The following ARID2 variants were observed in gnomAD, a reference collection of about 807,000 sequenced individuals.
ARID2 encodes the protein AT-rich interactive domain-containing protein 2.
ARID2 carries 32 observed loss-of-function variants against 184.6 expected under a neutral mutation model. That is an observed-to-expected ratio of 0.17 (90% confidence interval 0.13 to 0.23). ARID2 has a LOEUF of 0.23. Among genes scored for constraint, ARID2 ranks in the 10% least tolerant of loss-of-function variants. ARID2 has a pLI of 1.00. For synonymous variants in ARID2, 836 were observed against 772.6 expected (o/e 1.08, Z -1.36); for missense variants, 1,696 against 2,197.6 (o/e 0.77, Z 4.56).
rs1324904594 is a variant in ARID2, at chr12:45,907,467, A to G, written c.*2389A>G. 1 of 233,244 alleles carries G rather than the reference A, an allele frequency of 4.3e-6. No homozygotes were observed. The highest frequency in any genetic ancestry group is 8.5e-6 in the Non-Finnish European group (1 of 117,878). 14.4% of individuals were successfully genotyped at this position (233,244 alleles called of 1,614,324 possible). A position where few individuals can be genotyped will look rare whatever the true frequency, so the allele number is the denominator to read the frequency against. ...AGCTTTTCTGCTATAATATGTAAATATGACTGTAGCCTTTTAAGCTTCAGT... is the reference window on the plus strand; with the variant it reads ...AGCTTTTCTGCTATAATATGTAAATGTGACTGTAGCCTTTTAAGCTTCAGT... On this transcript the variant is annotated 3_prime_UTR_variant, in exon 21 of 21. Coordinates refer to ENST00000334344, the MANE Select transcript of ARID2 (RefSeq NM_152641.4).
chr12:45,820,342 C>T (rs1942877152), intron 5 of ARID2, among the ~76,000 whole-genome samples: 1 of 151,992 alleles, frequency 6.6e-6, no homozygotes, highest in African/African-American at 2.4e-5. Context: ...AATTCTTATT[C>T]TAGCCAGAGT....
chr12:45,831,732 A>T (rs2138116382), intron 6 of ARID2, among the ~76,000 whole-genome samples: 1 of 152,230 alleles, frequency 6.6e-6, no homozygotes, highest in South Asian at 2.1e-4. Flanking sequence ...CAATTTCCTG[A>T]GATGTGAATG....
At chr12:45,860,317 T>C (rs1394474591) in intron 15 of ARID2, among the ~76,000 whole-genome samples, 15 of 152,240 alleles carry the variant, frequency 9.9e-5, no homozygotes, top group Non-Finnish European at 5.9e-5. Flanking sequence ...TTTATACATA[T>C]GGTTACATCA....
chr12:45,793,936 G>A (rs1000325336), intron 3 of ARID2, among the ~76,000 whole-genome samples: 1 of 151,126 alleles, frequency 6.6e-6, no homozygotes, highest in Non-Finnish European at 1.5e-5. Flanking sequence ...AATTGTTTTT[G>A]TCTTTGGTTT....
chr12:45,875,668 C>A (rs1260034564), intron 16 of ARID2, among the ~76,000 whole-genome samples: 1 of 152,242 alleles, frequency 6.6e-6, no homozygotes, highest in Admixed American at 6.5e-5. Flanking sequence ...TTCTGGATAA[C>A]GTGCTGCAGC....
rs779616407 is a variant in ARID2, at chr12:45,851,185, C to G, written c.3062C>G (p.Pro1021Arg). Residue 1021 changes from proline to arginine, a missense_variant, in exon 15 of 21, where the codon CCC becomes CGC. This residue lies in a region of ARID2 where 713 missense variants were observed against 824.4 expected (regional missense o/e 0.86). Transcript: ENST00000334344. Reference sequence around the variant, plus strand: ...CAACAGCAGCAACATTCACCAGCACCCCCACCACAGCAGGTACAAGTACAA... The same window carrying G: ...CAACAGCAGCAACATTCACCAGCACGCCCACCACAGCAGGTACAAGTACAA... ...RQQQQQHSPA[P>R]PPQQVQVQVQ... 6.2e-7 allele frequency: 1 copy of G among 1,614,100 alleles called. No individual in the cohort carries two copies. Among genetic ancestry groups the G allele is most frequent in the South Asian group, 1.1e-5 (1 of 91,076 alleles).
chr12:45,737,300 A>G (rs1941148284), intron 3 of ARID2, among the ~76,000 whole-genome samples: 1 of 152,024 alleles, frequency 6.6e-6, no homozygotes, highest in Non-Finnish European at 1.5e-5. Flanking sequence ...TTTTTGGTGG[A>G]GCCCCAGGGA....
intron 6 of ARID2, among the ~76,000 whole-genome samples, chr12:45,833,496 CTTTGTAGGTGTGGTAAT>C (rs1287627634): frequency 6.6e-6 from 1 of 151,938 alleles, no homozygotes; most frequent in African/African-American, 2.4e-5. Flanking sequence ...GTCCTCATTT[CTTTGTAGGTGTGGTAAT>C]TTTTTATTAG....
At chr12:45,801,311 CAAAAA>C (rs1487897230) in intron 3 of ARID2, among the ~76,000 whole-genome samples, 2 of 114,054 alleles carry the variant, frequency 1.8e-5, no homozygotes, top group Non-Finnish European at 3.5e-5. Context: ...GACTCCGTCT[CAAAAA>C]AAGAAAAAAA....
intron 20 of ARID2, among the ~76,000 whole-genome samples, chr12:45,902,700 C>T (rs1361096755): frequency 2.6e-5 from 4 of 151,738 alleles, no homozygotes; most frequent in Admixed American, 1.3e-4. Context: ...CCTGCCACCA[C>T]GCCCAGCTAA....
intron 16 of ARID2, among the ~76,000 whole-genome samples, chr12:45,866,178 C>A (rs1268501779): frequency 1.3e-5 from 2 of 151,930 alleles, no homozygotes; most frequent in African/African-American, 2.4e-5. Flanking sequence ...CTTTTTATGT[C>A]AATACATAGA....
At chr12:45,741,918 A>G (rs1323204534) in intron 3 of ARID2, among the ~76,000 whole-genome samples, 1 of 152,214 alleles carries the variant, frequency 6.6e-6, no homozygotes, top group Non-Finnish European at 1.5e-5. Flanking sequence ...ATTTATTTTG[A>G]AAATCAGGAG....
intron 3 of ARID2, among the ~76,000 whole-genome samples, chr12:45,753,146 C>T (rs1011386400): frequency 1.3e-5 from 2 of 152,082 alleles, no homozygotes; most frequent in African/African-American, 4.8e-5. Context: ...GCCTGTAACC[C>T]CAGCTACTCG....
At chr12:45,819,412 A>G (rs1942857585) in intron 5 of ARID2, among the ~76,000 whole-genome samples, 1 of 152,198 alleles carries the variant, frequency 6.6e-6, no homozygotes, top group Admixed American at 6.5e-5. Context: ...TTAGTTCCAC[A>G]GTACATAGGG....
intron 16 of ARID2, among the ~76,000 whole-genome samples, chr12:45,880,752 C>T (rs145903336): frequency 7.3e-4 from 111 of 152,338 alleles, no homozygotes; most frequent in African/African-American, 2.5e-3. Context: ...ATGTTAAATA[C>T]ATAAAACAGG....
chr12:45,785,965 C>A (rs751947032), intron 3 of ARID2, among the ~76,000 whole-genome samples: 1 of 152,128 alleles, frequency 6.6e-6, no homozygotes, highest in African/African-American at 2.4e-5. Flanking sequence ...TGAAACCATT[C>A]CCTGCTGTCA....
At chr12:45,834,714 T>C (rs1490254121) in intron 6 of ARID2, among the ~76,000 whole-genome samples, 3 of 152,236 alleles carry the variant, frequency 2.0e-5, no homozygotes, top group Non-Finnish European at 4.4e-5. Context: ...CACTCTAGCC[T>C]GGGTGATAGA....
intron 4 of ARID2, among the ~76,000 whole-genome samples, chr12:45,817,340 C>T (rs1228875633): frequency 6.6e-6 from 1 of 151,746 alleles, no homozygotes; most frequent in Non-Finnish European, 1.5e-5. Flanking sequence ...GGCAACAGAG[C>T]CAGACATGTC....
intron 5 of ARID2, among the ~76,000 whole-genome samples, 171 bp from the exon 6 acceptor site, chr12:45,821,249 A>C (rs145006135): frequency 1.3e-5 from 2 of 152,286 alleles, no homozygotes; most frequent in African/African-American, 4.8e-5. Flanking sequence ...ATCTAAAAAC[A>C]ATGTATTTCA....
Sources: gnomAD v4.1 joint callset for allele counts (sites outside exome capture counted in the v4.1 genomes callset) on GRCh38, gnomAD v4.1.1 for gene constraint, gnomAD v4.1.1 regional missense constraint, MANE v1.5 for transcripts, NCBI Gene and HGNC (gene_info 2026-07-23, HGNC 2026-07-21) for gene names.